The following IFNLR1 variants were observed in gnomAD, a reference collection of about 807,000 sequenced individuals.
IFNLR1 encodes the protein CRF2-12.
Under a neutral mutation model 52.5 loss-of-function variants are expected in IFNLR1, and 28 were observed. The observed-to-expected ratio is 0.53, with a 90% CI of 0.40 to 0.73. The LOEUF is 0.73. Ranked by LOEUF, IFNLR1 falls within the 30% of genes least tolerant of loss-of-function variation. IFNLR1 has a pLI of 0.00. For missense variants in IFNLR1, 623 were observed against 659.1 expected, an observed-to-expected ratio of 0.95 and a Z score of 0.60; for synonymous variants, 276 against 274.9, an observed-to-expected ratio of 1.00 and a Z score of -0.04.
chr1:24,174,512 C>A (rs2148598735), intron 2 of IFNLR1, among the ~76,000 whole-genome samples: 1 of 152,096 alleles, frequency 6.6e-6, no homozygotes, highest in Middle Eastern at 3.4e-3. Flanking sequence ...CTGGTGAGGT[C>A]TCAGGTGGAA....
intron 3 of IFNLR1, among the ~76,000 whole-genome samples, chr1:24,162,808 TTTC>T (rs1644467078): frequency 1.0e-5 from 1 of 99,210 alleles, no homozygotes; most frequent in Non-Finnish European, 2.1e-5. Flanking sequence ...TTCTTTTTTC[TTTC>T]TTTTTTTCTT....
intron 2 of IFNLR1, among the ~76,000 whole-genome samples, chr1:24,172,528 A>G (rs773183252): frequency 1.1e-4 from 16 of 152,198 alleles, no homozygotes; most frequent in Non-Finnish European, 2.1e-4. Flanking sequence ...GAATACAAGA[A>G]CAAATTAACA....
At chr1:24,159,243 G>T in intron 5 of IFNLR1, 61 bp from the exon 6 acceptor site, 2 of 1,580,832 alleles carry the variant, frequency 1.3e-6, no homozygotes, top group South Asian at 2.2e-5. Context: ...AACTGCACCT[G>T]TGCCGAGTGC....
At chr1:24,186,391 G>T (rs11249021) in intron 1 of IFNLR1, among the ~76,000 whole-genome samples, 132,565 of 151,886 alleles carry the variant, frequency 0.87, 58,127 homozygotes, top group African/African-American at 0.92. Context: ...ATCTACCTCC[G>T]AGGATGGCTG....
intron 3 of IFNLR1, among the ~76,000 whole-genome samples, chr1:24,162,936 TTC>T (rs1470360365): frequency 2.2e-4 from 21 of 94,786 alleles, no homozygotes; most frequent in Non-Finnish European, 3.6e-4. Context: ...TTTTCTTTCT[TTC>T]TCTTTCTTTC....
rs1426548879 is a variant in IFNLR1, at chr1:24,156,787, C to T, written c.*343G>A. 1 of 277,894 alleles carries T rather than the reference C, an allele frequency of 3.6e-6. No individual in the cohort carries two copies. Among genetic ancestry groups the T allele is most frequent in the African/African-American group, 2.2e-5 (1 of 44,868 alleles). 17.2% of individuals were successfully genotyped at this position (277,894 alleles called of 1,614,324 possible). On this transcript the variant is annotated 3_prime_UTR_variant, in exon 7 of 7. Coordinates refer to ENST00000327535, the MANE Select transcript of IFNLR1 (RefSeq NM_170743.4). ...TGGTGGTGTCCGCCCTTGATGTCCG[C>T]AGTGACCTGACCTCACCTGTTTCAT...
chr1:24,163,078 G>C lies in IFNLR1; in HGVS notation c.368-1394C>G, dbSNP rs920717708. ...CGGATTCATGCGATCCTCCTGCTTC[G>C]GCCTCCTGAGCAGCTGGGATTACAG... On this transcript the variant is annotated intron_variant, in intron 3 of 6. Coordinates refer to ENST00000327535, the MANE Select transcript of IFNLR1 (RefSeq NM_170743.4). Among the ~76,000 whole-genome samples the C allele has an allele frequency of 6.2e-5, 9 of 145,584 alleles. No individual in the cohort carries two copies. In the Admixed American group the frequency reaches 6.4e-4, roughly 10 times the overall value.
At chr1:24,185,513 G>A (rs1644728779) in intron 1 of IFNLR1, among the ~76,000 whole-genome samples, 1 of 152,214 alleles carries the variant, frequency 6.6e-6, no homozygotes, top group Non-Finnish European at 1.5e-5. Flanking sequence ...GGGAGGGAGG[G>A]TCCAGTTCTG....
Position 24,184,213 on chromosome 1 carries a change from T to C in IFNLR1, c.58+2978A>G, listed in dbSNP as rs188286532. 3.6e-3 allele frequency among the ~76,000 whole-genome samples: 550 copies of C among 152,318 alleles called. 2 individuals carry two copies. The highest frequency in any genetic ancestry group is 5.5e-3 in the Non-Finnish European group (373 of 68,024). ...CATGCTGTTCCCTCTGCCTTAACAG[T>C]TCTGCCCCTGGATATCCACCTGGCT... On this transcript the variant is annotated intron_variant, in intron 1 of 6. Transcript: ENST00000327535.
intron 2 of IFNLR1, among the ~76,000 whole-genome samples, chr1:24,174,054 T>C (rs572603961): frequency 6.6e-6 from 1 of 152,214 alleles, no homozygotes; most frequent in East Asian, 1.9e-4. Flanking sequence ...GAGGTAATTA[T>C]GGTTAAATGA....
At position 24,174,854 on chromosome 1, in the gene IFNLR1, G is replaced by A. The variant is rs368287022; in HGVS notation, c.183-5253C>T. On this transcript the variant is annotated intron_variant, in intron 2 of 6. Coordinates refer to ENST00000327535, the MANE Select transcript of IFNLR1 (RefSeq NM_170743.4). The stretch of plus-strand genomic sequence containing the variant: ...AACTTGAAGCTTTGGAAAATTTTCA[G>A]CCTATCCACATTGCAAAAAAAAAAA... 1.2e-4 allele frequency among the ~76,000 whole-genome samples: 18 copies of A among 151,216 alleles called. No individual in the cohort carries two copies. The East Asian group carries it at 2.5e-3, about 21-fold the overall frequency.
intron 1 of IFNLR1, among the ~76,000 whole-genome samples, chr1:24,182,643 C>T (rs10794647): frequency 0.88 from 133,693 of 152,140 alleles, 58,903 homozygotes; most frequent in African/African-American, 0.92. Context: ...AAATACAGGC[C>T]GGGCGTGGTG....
intron 4 of IFNLR1, 93 bp from the exon 5 acceptor site, chr1:24,159,726 G>GTTTTGTTTCTTTTGTTT: frequency 1.2e-5 from 9 of 761,910 alleles, no homozygotes; most frequent in Non-Finnish European, 1.6e-5. Context: ...ATGGTAGGGT[G>GTTTTGTTTCTTTTGTTT]TTTTTTTTTT....
At position 24,156,059 on chromosome 1, in the gene IFNLR1, C is replaced by T. The variant is rs1644375308; in HGVS notation, c.*1071G>A. The T allele has an allele frequency of 6.6e-6, 1 of 152,220 alleles. No homozygotes were observed. Among genetic ancestry groups the T allele is most frequent in the Non-Finnish European group, 1.5e-5 (1 of 68,054 alleles). 9.4% of individuals were successfully genotyped at this position (152,220 alleles called of 1,614,324 possible). On this transcript the variant is annotated 3_prime_UTR_variant, in exon 7 of 7. Coordinates refer to ENST00000327535, the MANE Select transcript of IFNLR1 (RefSeq NM_170743.4). ...AGTCCGATTCCTGCCATGTTACTGT[C>T]CTACTCCAACAAACTGGGTCCCTAG...
At chr1:24,187,131 A>T (rs1353981241) in intron 1 of IFNLR1, 60 bp downstream of exon 1, 2 of 1,149,662 alleles carry the variant, frequency 1.7e-6, no homozygotes, top group Non-Finnish European at 2.3e-6. Flanking sequence ...GTCCGAGGGT[A>T]GGCGCGGCCC....
At chr1:24,169,632 T>C (rs1372414543) in intron 2 of IFNLR1, 31 bp from the exon 3 acceptor site, 7 of 1,598,696 alleles carry the variant, frequency 4.4e-6, no homozygotes, top group Admixed American at 1.7e-5. Flanking sequence ...GCTTGGGCCA[T>C]GGACTCAGCC....
At chr1:24,159,737 G>GTTTTTTTTTTTGT in intron 4 of IFNLR1, 104 bp from the exon 5 acceptor site, 4 of 458,752 alleles carry the variant, frequency 8.7e-6, no homozygotes, top group Non-Finnish European at 1.3e-5. Context: ...TTTTTTTTTT[G>GTTTTTTTTTTTGT]TTTTTTTTTT....
intron 3 of IFNLR1, 93 bp downstream of exon 3, chr1:24,169,324 C>T (rs1203949115): frequency 4.9e-6 from 6 of 1,224,214 alleles, no homozygotes; most frequent in Non-Finnish European, 6.9e-6. Context: ...AAGTGGGAGA[C>T]AGATGGTCAG....
intron 1 of IFNLR1, among the ~76,000 whole-genome samples, chr1:24,181,543 T>A (rs1412768880): frequency 6.6e-6 from 1 of 152,240 alleles, no homozygotes; most frequent in East Asian, 1.9e-4. Context: ...GCTCTCACTT[T>A]CTTTTTGCCT....
Sources: gnomAD v4.1 joint callset for allele counts (sites outside exome capture counted in the v4.1 genomes callset) on GRCh38, gnomAD v4.1.1 for gene constraint, MANE v1.5 for transcripts, NCBI Gene and HGNC (gene_info 2026-07-23, HGNC 2026-07-21) for gene names.